ZNF282: variants seen among roughly 807,000 people sequenced by gnomAD.
The protein encoded by ZNF282 is HTLV-I U5 repressive element-binding protein 1.
Under a neutral mutation model 61.9 loss-of-function variants are expected in ZNF282, and 30 were observed. That is an observed-to-expected ratio of 0.48 (90% CI 0.36 to 0.66). ZNF282 has a LOEUF of 0.66. Ranked by LOEUF, ZNF282 falls within the 30% of genes least tolerant of loss-of-function variation. The pLI, the probability that ZNF282 is intolerant of heterozygous loss-of-function variation, is 0.00. For synonymous variants in ZNF282, 396 were observed against 405.0 expected, an observed-to-expected ratio of 0.98 and a Z score of 0.27; for missense variants, 788 against 941.4, an observed-to-expected ratio of 0.84 and a Z score of 2.13.
At position 149,224,420 on chromosome 7, in the gene ZNF282, A is replaced by G. The variant is rs751502341; in HGVS notation, c.1789A>G (p.Thr597Ala). ...EHLQNHQRLH[T>A]GERPFQCALC... Reference sequence around the variant, plus strand: ...CCTGCAGAACCACCAGCGGCTGCACACGGGCGAGCGGCCTTTCCAATGTGC... The same window carrying G: ...CCTGCAGAACCACCAGCGGCTGCACGCGGGCGAGCGGCCTTTCCAATGTGC... Residue 597 changes from threonine (T) to alanine (A), a missense_variant, in exon 8 of 8, where the codon ACG becomes GCG. This residue lies in a region of ZNF282 where 559 missense variants were observed against 642.0 expected (regional missense o/e 0.87). Transcript: ENST00000610704. 6.2e-7 allele frequency: 1 copy of G among 1,613,790 alleles called. No individual in the cohort carries two copies. Among genetic ancestry groups the G allele is most frequent in the Non-Finnish European group, 8.5e-7 (1 of 1,179,916 alleles).
intron 7 of ZNF282, among the ~76,000 whole-genome samples, chr7:149,216,043 C>T (rs1194477193): frequency 6.6e-6 from 1 of 152,166 alleles, no homozygotes; most frequent in East Asian, 1.9e-4. Context: ...AAGGACCCCA[C>T]CATTTTCCTA....
At chr7:149,206,577 G>A in intron 2 of ZNF282, 119 bp from the exon 3 acceptor site, 1 of 1,471,846 alleles carries the variant, frequency 6.8e-7, no homozygotes, top group Non-Finnish European at 9.3e-7. Context: ...GGGGACTGGG[G>A]AGCCACGGAG....
At chr7:149,205,842 G>A (rs552190049) in intron 2 of ZNF282, among the ~76,000 whole-genome samples, 1 of 152,332 alleles carries the variant, frequency 6.6e-6, no homozygotes, top group South Asian at 2.1e-4. Context: ...GGGGAGGATT[G>A]AGGGGTCGGA....
intron 7 of ZNF282, among the ~76,000 whole-genome samples, chr7:149,219,738 T>C (rs547620501): frequency 6.6e-6 from 1 of 152,020 alleles, no homozygotes; most frequent in African/African-American, 2.4e-5. Context: ...TCCCAGCTAC[T>C]TGGGAGGCTG....
intron 2 of ZNF282, among the ~76,000 whole-genome samples, chr7:149,200,114 TC>T (rs1795885341): frequency 1.3e-5 from 2 of 152,330 alleles, no homozygotes; most frequent in South Asian, 4.1e-4. Context: ...ATTTTTCCTT[TC>T]AGTTTATCTG....
At chr7:149,217,059 T>C (rs1796168875) in intron 7 of ZNF282, among the ~76,000 whole-genome samples, 1 of 152,200 alleles carries the variant, frequency 6.6e-6, no homozygotes, top group Admixed American at 6.5e-5. Flanking sequence ...ATCCTGAAGC[T>C]GGGCCACCAT....
Position 149,224,046 on chromosome 7 carries a change from C to CCGGGGGCGG in ZNF282, c.1424_1432dup (p.Gly475_Gly477dup), listed in dbSNP as rs1158755918. ...GCGCCGCCGGGTGGGGACCGCAGCA[C>CCGGGGGCGG]CGGGGGCGGCGGGGGCGATGGGGGC... On this transcript the variant is annotated inframe_insertion, in exon 8 of 8. Transcript: ENST00000610704. The CCGGGGGCGG allele has an allele frequency of 8.5e-7, 1 of 1,174,312 alleles. No individual in the cohort carries two copies. The allele number at this position is 1,174,312 out of a possible 1,614,324, so 72.7% of individuals were successfully genotyped here. A position where few individuals can be genotyped will look rare whatever the true frequency, so the allele number is the denominator to read the frequency against.
rs147461443 is a variant in ZNF282 at position 149,220,328 on chromosome 7, C to T, written c.1181-3484C>T. 7.9e-5 allele frequency among the ~76,000 whole-genome samples: 12 copies of T among 152,122 alleles called. No individual in the cohort carries two copies. The East Asian group carries it at 2.3e-3, about 30-fold the overall frequency. Reference sequence around the variant, plus strand: ...TCGGGAGGCTGAGGCAGGAGAATGGCGTGAACCCAGGAGGCGGAGCTTGCA... The same window carrying T: ...TCGGGAGGCTGAGGCAGGAGAATGGTGTGAACCCAGGAGGCGGAGCTTGCA... On this transcript the variant is annotated intron_variant, in intron 7 of 7. Coordinates refer to ENST00000610704, the MANE Select transcript of ZNF282 (RefSeq NM_003575.4).
Position 149,207,426 on chromosome 7 carries a change from A to C in ZNF282, c.788A>C (p.Gln263Pro). ...AGGGAAGAACCTTGTGTGTGGGAGC[A>C]GCGCCACCCCGAAGAGAGAGAAATC... Reference protein sequence around the residue: ...EPREEPCVWEQRHPEEREIPM... With the variant: ...EPREEPCVWEPRHPEEREIPM... Residue 263 changes from glutamine to proline, a missense_variant, in exon 4 of 8, where the codon CAG becomes CCG. Around this residue, in one of 3 missense-constraint regions of ZNF282, gnomAD observed 559 missense variants for 642.0 expected, o/e 0.87. Transcript: ENST00000610704. 5 of 1,569,716 alleles carry C rather than the reference A, an allele frequency of 3.2e-6. No individual in the cohort carries two copies. The highest frequency in any genetic ancestry group is 4.3e-6 in the Non-Finnish European group (5 of 1,156,074).
rs1405992843 is a variant in ZNF282 at position 149,226,176 on chromosome 7, C to T, written c.*1529C>T. On this transcript the variant is annotated 3_prime_UTR_variant, in exon 8 of 8. Transcript: ENST00000610704. Reference sequence around the variant, plus strand: ...AAATAAAAGGTATCCAGATTGCAGACTGCATGTTCACAGAGCTGGGGGTTC... The same window carrying T: ...AAATAAAAGGTATCCAGATTGCAGATTGCATGTTCACAGAGCTGGGGGTTC... 6.5e-6 allele frequency: 1 copy of T among 152,680 alleles called. No individual in the cohort carries two copies. The highest frequency in any genetic ancestry group is 1.5e-5 in the Non-Finnish European group (1 of 68,054). 9.5% of individuals were successfully genotyped at this position (152,680 alleles called of 1,614,324 possible). A position where few individuals can be genotyped will look rare whatever the true frequency, so the allele number is the denominator to read the frequency against.
chr7:149,208,892 G>C (rs918584954), intron 4 of ZNF282, among the ~76,000 whole-genome samples: 2 of 151,500 alleles, frequency 1.3e-5, no homozygotes, highest in African/African-American at 4.8e-5. Context: ...GCAGTGGCGT[G>C]CACCTGTAAT....
intron 1 of ZNF282, among the ~76,000 whole-genome samples, chr7:149,196,757 C>T (rs1795823728): frequency 6.6e-6 from 1 of 152,156 alleles, no homozygotes. Context: ...GGAGTGGAGC[C>T]TCTGTGATGG....
Position 149,223,918 on chromosome 7 carries a change from C to G in ZNF282, c.1287C>G (p.Ser429Arg), listed in dbSNP as rs1375142133. 3.0e-6 allele frequency: 4 copies of G among 1,352,264 alleles called. No individual in the cohort carries two copies. The highest frequency in any genetic ancestry group is 3.8e-6 in the Non-Finnish European group (4 of 1,055,354). The allele number at this position is 1,352,264 out of a possible 1,614,324, so 83.8% of individuals were successfully genotyped here. The change falls in exon 8 of 8, where the codon AGC becomes AGG. Residue 429 changes from serine to arginine, a missense_variant. By Grantham distance (110) the Ser-to-Arg change is moderately radical. This residue lies in a region of ZNF282 where 559 missense variants were observed against 642.0 expected (regional missense o/e 0.87). Coordinates refer to ENST00000610704, the MANE Select transcript of ZNF282 (RefSeq NM_003575.4). The part of the protein sequence containing the change: ...PQLQSQPQPQ[S>R]LPPIAVAENP... ...TGCAGTCGCAGCCCCAGCCCCAGAGCCTGCCCCCCATCGCGGTGGCCGAGA... is the reference window on the plus strand; with the variant it reads ...TGCAGTCGCAGCCCCAGCCCCAGAGGCTGCCCCCCATCGCGGTGGCCGAGA...
chr7:149,200,162 C>G (rs999839785), intron 2 of ZNF282, among the ~76,000 whole-genome samples: 5 of 152,172 alleles, frequency 3.3e-5, no homozygotes, highest in Non-Finnish European at 7.3e-5. Context: ...TTGCATCTCG[C>G]TGTCTGGATT....
chr7:149,221,453 G>C (rs1226795677), intron 7 of ZNF282, among the ~76,000 whole-genome samples: 1 of 152,206 alleles, frequency 6.6e-6, no homozygotes, highest in Admixed American at 6.5e-5. Flanking sequence ...GAGTAGGACT[G>C]CCTTAGGTGG....
At chr7:149,215,993 C>T (rs1054362408) in intron 7 of ZNF282, among the ~76,000 whole-genome samples, 5 of 152,310 alleles carry the variant, frequency 3.3e-5, no homozygotes, top group African/African-American at 1.2e-4. Flanking sequence ...GTGTGGAAAG[C>T]AGTCTAGGAA....
Position 149,224,537 on chromosome 7 carries a change from G to A in ZNF282, c.1906G>A (p.Gly636Ser), listed in dbSNP as rs970321829. 7.4e-6 allele frequency: 12 copies of A among 1,610,930 alleles called. No individual in the cohort carries two copies. In the African/African-American group the frequency reaches 9.3e-5, roughly 13 times the overall value. ...GCGCCCCTACACGTGCGGCGAGTGC[G>A]GCAAGAGCTTCCGCTACAAGGAGTC... ...GERPYTCGEC[G>S]KSFRYKESLK... The change falls in exon 8 of 8, where the codon GGC becomes AGC. Residue 636 changes from glycine (G) to serine (S), a missense_variant. Physicochemically the swap from Gly to Ser is moderately conservative, Grantham distance 56. Transcript: ENST00000610704.
At chr7:149,222,113 T>C (rs1796264577) in intron 7 of ZNF282, among the ~76,000 whole-genome samples, 1 of 152,088 alleles carries the variant, frequency 6.6e-6, no homozygotes, top group Admixed American at 6.5e-5. Context: ...GGGCCTGACG[T>C]CACCATTCTG....
chr7:149,213,342 T>C (rs1796114659), intron 6 of ZNF282, among the ~76,000 whole-genome samples: 1 of 152,204 alleles, frequency 6.6e-6, no homozygotes, highest in South Asian at 2.1e-4. Context: ...TTCTAAATCA[T>C]ACCTGTTAGC....
Sources: gnomAD v4.1 joint callset for allele counts (sites outside exome capture counted in the v4.1 genomes callset) on GRCh38, gnomAD v4.1.1 for gene constraint, gnomAD v4.1.1 regional missense constraint, MANE v1.5 for transcripts, NCBI Gene and HGNC (gene_info 2026-07-23, HGNC 2026-07-21) for gene names.